The following RERE variants were observed in gnomAD, a reference collection of about 807,000 sequenced individuals.
RERE encodes arginine-glutamic acid dipeptide repeats, also known as arginine-glutamic acid dipeptide repeats protein.
Under a neutral mutation model 146.1 loss-of-function variants are expected in RERE, and 40 were observed. The observed-to-expected ratio is 0.27, with a 90% CI of 0.21 to 0.36. The LOEUF (loss-of-function observed/expected upper bound fraction) is 0.36, where lower values mean the gene tolerates loss of function less well. Ranked by LOEUF, RERE falls within the 10% of genes least tolerant of loss-of-function variation. RERE has a pLI of 1.00. For missense variants in RERE, 1,933 were observed against 2,138.7 expected, an observed-to-expected ratio of 0.90 and a Z score of 1.90; for synonymous variants, 1,003 against 866.0, an observed-to-expected ratio of 1.16 and a Z score of -2.78.
chr1:8,507,312 G>A (rs568782637), intron 8 of RERE, among the ~76,000 whole-genome samples: 65 of 152,268 alleles, frequency 4.3e-4, no homozygotes, highest in African/African-American at 1.4e-3. Flanking sequence ...CCAAAGAGCT[G>A]TAATAAATGC....
chr1:8,437,734 A>G (rs1053718101), intron 11 of RERE, among the ~76,000 whole-genome samples: 1 of 152,190 alleles, frequency 6.6e-6, no homozygotes, highest in African/African-American at 2.4e-5. Flanking sequence ...CAAACATACT[A>G]ATAGCTCATT....
intron 1 of RERE, among the ~76,000 whole-genome samples, chr1:8,656,787 T>C (rs1275222936): frequency 2.6e-5 from 4 of 152,122 alleles, no homozygotes; most frequent in Admixed American, 2.0e-4. Flanking sequence ...TAACTCATAA[T>C]ATTAATTTAA....
intron 2 of RERE, among the ~76,000 whole-genome samples, chr1:8,631,859 G>C (rs1335260377): frequency 6.6e-6 from 1 of 152,196 alleles, no homozygotes; most frequent in Non-Finnish European, 1.5e-5. Flanking sequence ...TTAAAATTCA[G>C]TGACAGCCAT....
intron 1 of RERE, among the ~76,000 whole-genome samples, chr1:8,707,213 C>T (rs1449043675): frequency 2.6e-5 from 4 of 152,194 alleles, no homozygotes; most frequent in African/African-American, 7.2e-5. Context: ...AAGCAAAGCA[C>T]TCTATATTCT....
intron 1 of RERE, among the ~76,000 whole-genome samples, chr1:8,715,262 A>G (rs905708976): frequency 2.6e-5 from 4 of 151,686 alleles, no homozygotes; most frequent in Non-Finnish European, 5.9e-5. Context: ...CTGTAATCCC[A>G]GCACTTTGGG....
intron 10 of RERE, among the ~76,000 whole-genome samples, chr1:8,491,415 C>T (rs1644978553): frequency 6.6e-6 from 1 of 152,084 alleles, no homozygotes; most frequent in Non-Finnish European, 1.5e-5. Flanking sequence ...GCCTGGGCAA[C>T]AAGAGCAAAA....
chr1:8,683,156 A>G (rs1375030867), intron 1 of RERE, among the ~76,000 whole-genome samples: 1 of 152,168 alleles, frequency 6.6e-6, no homozygotes, highest in Non-Finnish European at 1.5e-5. Flanking sequence ...AAATGCCTGA[A>G]GAATTAATAA....
intron 12 of RERE, among the ~76,000 whole-genome samples, chr1:8,405,033 G>A (rs999355882): frequency 2.0e-5 from 3 of 152,206 alleles, no homozygotes; most frequent in African/African-American, 4.8e-5. Flanking sequence ...GCGTGGGGGA[G>A]GGTGAGGGAG....
intron 11 of RERE, chr1:8,430,076 C>T (rs1182380335): frequency 6.6e-6 from 1 of 152,224 alleles, no homozygotes; most frequent in Non-Finnish European, 1.5e-5. Flanking sequence ...CACTGATAAA[C>T]CACTGGATGA....
intron 6 of RERE, among the ~76,000 whole-genome samples, chr1:8,555,734 C>T (rs1196029839): frequency 6.6e-6 from 1 of 152,142 alleles, no homozygotes; most frequent in African/African-American, 2.4e-5. Flanking sequence ...CAAAATGAGC[C>T]ATTATGGGCA....
chr1:8,496,150 TAAA>T (rs36115213), intron 9 of RERE, among the ~76,000 whole-genome samples: 8 of 118,396 alleles, frequency 6.8e-5, no homozygotes, highest in African/African-American at 1.7e-4. Flanking sequence ...GACCCTGTCT[TAAA>T]AAAAAAAAAA....
At chr1:8,505,562 G>A (rs1161121705) in intron 8 of RERE, among the ~76,000 whole-genome samples, 1 of 151,930 alleles carries the variant, frequency 6.6e-6, no homozygotes, top group East Asian at 1.9e-4. Context: ...TTTAAAGACT[G>A]GTTCTGTCAC....
At chr1:8,763,602 T>TC (rs1286061732) in intron 1 of RERE, among the ~76,000 whole-genome samples, 1 of 151,962 alleles carries the variant, frequency 6.6e-6, no homozygotes, top group East Asian at 1.9e-4. Context: ...ACCACTGCAC[T>TC]CCAACCTGGG....
At chr1:8,608,339 C>T (rs1046851259) in intron 4 of RERE, among the ~76,000 whole-genome samples, 1 of 151,986 alleles carries the variant, frequency 6.6e-6, no homozygotes, top group African/African-American at 2.4e-5. Flanking sequence ...CCTGTCTCTA[C>T]AAAAATTTAA....
intron 10 of RERE, among the ~76,000 whole-genome samples, chr1:8,473,996 T>A (rs1644723260): frequency 6.6e-6 from 1 of 152,232 alleles, no homozygotes; most frequent in African/African-American, 2.4e-5. Context: ...TCCTCCTGAT[T>A]AGCAGAAAGA....
At chr1:8,383,883 AT>A (rs1642542920) in intron 12 of RERE, among the ~76,000 whole-genome samples, 5 of 151,946 alleles carry the variant, frequency 3.3e-5, no homozygotes, top group Non-Finnish European at 7.4e-5. Context: ...ATAAAATAAA[AT>A]AAAATAAAAT....
chr1:8,421,529 TTTAA>T (rs777670539), intron 12 of RERE, among the ~76,000 whole-genome samples: 2 of 152,210 alleles, frequency 1.3e-5, no homozygotes, highest in Non-Finnish European at 2.9e-5. Flanking sequence ...AATACTTAAA[TTTAA>T]TTGTCATTGA....
chr1:8,732,916 G>A (rs2124490352), intron 1 of RERE, among the ~76,000 whole-genome samples: 1 of 146,094 alleles, frequency 6.8e-6, no homozygotes, highest in East Asian at 2.0e-4. Context: ...CCGCCTCCCG[G>A]GTTCACGCCA....
chr1:8,512,434 C>T (rs893077819), intron 7 of RERE, among the ~76,000 whole-genome samples: 5 of 151,764 alleles, frequency 3.3e-5, no homozygotes, highest in African/African-American at 9.7e-5. Context: ...CCCTTTTACA[C>T]TCTTAATAAT....
Sources: gnomAD v4.1 joint callset for allele counts (sites outside exome capture counted in the v4.1 genomes callset) on GRCh38, gnomAD v4.1.1 for gene constraint, MANE v1.5 for transcripts, NCBI Gene and HGNC (gene_info 2026-07-23, HGNC 2026-07-21) for gene names.